The following KIZ variants were observed in gnomAD, a reference collection of about 807,000 sequenced individuals.
KIZ encodes the protein centrosomal protein kizuna.
Under a neutral mutation model 79.6 loss-of-function variants are expected in KIZ, and 68 were observed. That is an observed-to-expected ratio of 0.85 (90% confidence interval 0.70 to 1.05). The LOEUF (loss-of-function observed/expected upper bound fraction) is 1.05. KIZ is among the 50% of genes least tolerant of loss of function. KIZ has a pLI of 0.00. For missense variants in KIZ, 797 were observed against 800.4 expected, an observed-to-expected ratio of 1.00 and a Z score of 0.05; for synonymous variants, 280 against 281.8, an observed-to-expected ratio of 0.99 and a Z score of 0.06.
chr20:21,192,336 G>A (rs1334980354), intron 6 of KIZ, among the ~76,000 whole-genome samples: 1 of 133,918 alleles, frequency 7.5e-6, no homozygotes, highest in Admixed American at 8.3e-5. Flanking sequence ...GATTATTAGC[G>A]ACTGGGTTAT....
At chr20:21,228,313 T>C (rs2036720419) in intron 9 of KIZ, among the ~76,000 whole-genome samples, 1 of 152,188 alleles carries the variant, frequency 6.6e-6, no homozygotes, top group African/African-American at 2.4e-5. Flanking sequence ...TCACTCAGGT[T>C]CTTTACGTAT....
At chr20:21,167,222 A>G (rs1054999965) in intron 6 of KIZ, among the ~76,000 whole-genome samples, 4 of 152,238 alleles carry the variant, frequency 2.6e-5, no homozygotes, top group African/African-American at 7.2e-5. Flanking sequence ...GTGATACAGC[A>G]ATAAGAAAAT....
At chr20:21,234,518 G>A (rs913008455) in intron 11 of KIZ, among the ~76,000 whole-genome samples, 10 of 151,982 alleles carry the variant, frequency 6.6e-5, no homozygotes, top group African/African-American at 2.4e-4. Flanking sequence ...GCCACCCTGG[G>A]CTTTGGAGAG....
chr20:21,185,491 C>T (rs571183242), intron 6 of KIZ, among the ~76,000 whole-genome samples: 1 of 147,884 alleles, frequency 6.8e-6, no homozygotes, highest in South Asian at 2.2e-4. Context: ...CTCACTGTAA[C>T]CTCTGCCTCC....
chr20:21,217,607 C>G (rs149471937), intron 9 of KIZ, among the ~76,000 whole-genome samples: 3 of 152,160 alleles, frequency 2.0e-5, no homozygotes, highest in Non-Finnish European at 2.9e-5. Flanking sequence ...AACCAGCCAT[C>G]AGTGTCAGCT....
intron 12 of KIZ, chr20:21,244,520 A>G: frequency 3.8e-6 from 2 of 533,046 alleles, no homozygotes. Flanking sequence ...GTAATTTGCA[A>G]GTATGAATTT....
intron 9 of KIZ, among the ~76,000 whole-genome samples, chr20:21,220,350 T>G (rs2036463212): frequency 6.6e-6 from 1 of 152,032 alleles, no homozygotes; most frequent in Non-Finnish European, 1.5e-5. Flanking sequence ...AGACAGAAAC[T>G]TAGAAAGGTA....
At chr20:21,242,486 T>C (rs973868755) in intron 11 of KIZ, among the ~76,000 whole-genome samples, 1 of 150,380 alleles carries the variant, frequency 6.6e-6, no homozygotes, top group Non-Finnish European at 1.5e-5. Context: ...CAAGAGCTGA[T>C]AGTTTTGTTG....
chr20:21,163,190 T>A, intron 6 of KIZ, 31 bp downstream of exon 6: 1 of 1,468,994 alleles, frequency 6.8e-7, no homozygotes, highest in Non-Finnish European at 9.4e-7. Flanking sequence ...TTTCTACTGT[T>A]CTGTTTTTAA....
chr20:21,166,392 AGCCT>A, intron 6 of KIZ: 1 of 1,600,102 alleles, frequency 6.2e-7, no homozygotes, highest in Non-Finnish European at 8.5e-7. Context: ...ACACTTGTTT[AGCCT>A]GCCTGTGAGG....
At chr20:21,176,354 A>C (rs1342449852) in intron 6 of KIZ, among the ~76,000 whole-genome samples, 1 of 152,110 alleles carries the variant, frequency 6.6e-6, no homozygotes, top group Non-Finnish European at 1.5e-5. Context: ...AGCTGAAGAC[A>C]AGGGAAGGAG....
intron 6 of KIZ, among the ~76,000 whole-genome samples, chr20:21,169,694 T>C (rs1310157554): frequency 1.3e-5 from 2 of 152,136 alleles, no homozygotes; most frequent in African/African-American, 4.8e-5. Flanking sequence ...AAATAGTTTC[T>C]CTACTTGAAA....
intron 4 of KIZ, among the ~76,000 whole-genome samples, chr20:21,159,941 A>T (rs141870547): frequency 6.6e-6 from 1 of 152,228 alleles, no homozygotes; most frequent in Non-Finnish European, 1.5e-5. Flanking sequence ...AAACTCTTCT[A>T]AAGTGGGTGC....
At position 21,163,105 on chromosome 20, in the gene KIZ, C is replaced by G. The variant is rs1568935265; in HGVS notation, c.1298C>G (p.Thr433Ser). 6.2e-7 allele frequency: 1 copy of G among 1,613,578 alleles called. No homozygotes were observed. The highest frequency in any genetic ancestry group is 8.5e-7 in the Non-Finnish European group (1 of 1,179,674). ...LSTEKNCILQ[T>S]LSSPDSEKES... The stretch of plus-strand genomic sequence containing the variant: ...ACTGAAAAAAATTGTATTTTGCAAA[C>G]CCTAAGCTCTCCTGATTCAGAAAAG... Residue 433 changes from threonine to serine, a missense_variant, in exon 6 of 13, where the codon ACC (threonine) becomes AGC (serine). Thr to Ser is a moderately conservative substitution (Grantham distance 58, BLOSUM62 1). Transcript: ENST00000619189.
chr20:21,147,961 TTGTGTGTG>T (rs61333547), intron 4 of KIZ, among the ~76,000 whole-genome samples: 5 of 141,036 alleles, frequency 3.5e-5, no homozygotes, highest in East Asian at 2.1e-4. Flanking sequence ...CTCCTGGAAT[TTGTGTGTG>T]TGTGTGTGTG....
chr20:21,138,354 T>G (rs1189426287), intron 3 of KIZ, among the ~76,000 whole-genome samples: 1 of 152,130 alleles, frequency 6.6e-6, no homozygotes, highest in African/African-American at 2.4e-5. Flanking sequence ...CTGTATTTCC[T>G]GTGAACTGGA....
intron 3 of KIZ, among the ~76,000 whole-genome samples, chr20:21,142,468 T>C (rs1244438818): frequency 6.6e-6 from 1 of 152,156 alleles, no homozygotes; most frequent in Non-Finnish European, 1.5e-5. Flanking sequence ...GACCATGAAC[T>C]ACTACTATGT....
At chr20:21,228,322 A>G (rs1173291686) in intron 9 of KIZ, among the ~76,000 whole-genome samples, 1 of 152,060 alleles carries the variant, frequency 6.6e-6, no homozygotes, top group Non-Finnish European at 1.5e-5. Context: ...TTCTTTACGT[A>G]TTTTTGTTTA....
intron 6 of KIZ, among the ~76,000 whole-genome samples, chr20:21,176,377 A>T (rs1458875286): frequency 6.6e-6 from 1 of 152,106 alleles, no homozygotes; most frequent in Non-Finnish European, 1.5e-5. Flanking sequence ...AAAAACAAGG[A>T]CACCCAAGGA....
Sources: allele counts gnomAD v4.1 joint callset (sites outside exome capture counted in the v4.1 genomes callset), GRCh38; gene constraint gnomAD v4.1.1; transcripts MANE v1.5; gene names NCBI Gene and HGNC (gene_info 2026-07-23, HGNC 2026-07-21).